WDR70: variants seen among roughly 807,000 people sequenced by gnomAD.
The protein encoded by WDR70 is WD repeat-containing protein 70.
A neutral mutation model predicts 88.6 loss-of-function variants in WDR70; 53 were observed. The ratio of observed to expected loss-of-function variants is 0.60; its 90% confidence interval spans 0.48 to 0.75. The LOEUF (loss-of-function observed/expected upper bound fraction) is 0.75, where lower values mean the gene tolerates loss of function less well. Ranked by LOEUF, WDR70 falls within the 30% of genes least tolerant of loss-of-function variation. The probability of loss-of-function intolerance (pLI) is 0.00; values close to 1 mark genes in which losing one functional copy is unlikely to be tolerated. For synonymous variants in WDR70, 280 were observed against 270.0 expected, an observed-to-expected ratio of 1.04 and a Z score of -0.36; for missense variants, 610 against 823.2, an observed-to-expected ratio of 0.74 and a Z score of 3.17.
chr5:37,518,663 C>T (rs997619257), intron 9 of WDR70, among the ~76,000 whole-genome samples: 19 of 148,568 alleles, frequency 1.3e-4, no homozygotes, highest in African/African-American at 4.0e-4. Context: ...CTGCAACCAA[C>T]GTGGGAGCAC....
intron 5 of WDR70, among the ~76,000 whole-genome samples, chr5:37,432,843 G>A (rs373697785): frequency 1.6e-3 from 244 of 151,756 alleles, no homozygotes; most frequent in African/African-American, 5.3e-3. Context: ...GATTATAGGC[G>A]TGAGCCACCG....
chr5:37,535,941 G>A (rs550491453), intron 9 of WDR70, among the ~76,000 whole-genome samples: 17 of 152,314 alleles, frequency 1.1e-4, no homozygotes, highest in South Asian at 4.1e-4. Flanking sequence ...GATGATGATT[G>A]ATTTACAGAT....
At chr5:37,697,560 A>G (rs763958557) in intron 10 of WDR70, 95 bp from the exon 11 acceptor site, 8 of 1,008,636 alleles carry the variant, frequency 7.9e-6, no homozygotes, top group Non-Finnish European at 1.2e-5. Context: ...GGTGTGTATT[A>G]TTTTCATCGT....
intron 9 of WDR70, among the ~76,000 whole-genome samples, chr5:37,600,388 G>A (rs1338599392): frequency 6.6e-6 from 1 of 151,978 alleles, no homozygotes; most frequent in Non-Finnish European, 1.5e-5. Flanking sequence ...TTAGCCGGCC[G>A]TGGTGGCGGG....
intron 9 of WDR70, among the ~76,000 whole-genome samples, chr5:37,516,794 T>C (rs1009425013): frequency 6.6e-6 from 1 of 150,842 alleles, no homozygotes; most frequent in East Asian, 1.9e-4. Flanking sequence ...CGATCTTGGC[T>C]CACTGCAACC....
rs191508500 is a variant in WDR70, at chr5:37,462,592, G to A, written c.687-17242G>A. Reference sequence around the variant, plus strand: ...GTTAGGATTACAGGCGTGAGCCACCGCACCCGGCCCAAGTCCTTAATTTGT... The same window carrying A: ...GTTAGGATTACAGGCGTGAGCCACCACACCCGGCCCAAGTCCTTAATTTGT... On this transcript the variant is annotated intron_variant, in intron 7 of 17. Transcript: ENST00000265107. Among the ~76,000 whole-genome samples, 28 of 152,248 alleles carry A rather than the reference G, an allele frequency of 1.8e-4. 1 individual carries two copies. Among genetic ancestry groups the A allele is most frequent in the African/African-American group, 3.6e-4 (15 of 41,542 alleles).
At chr5:37,685,279 C>CTCATGTAGA (rs1425844768) in intron 10 of WDR70, among the ~76,000 whole-genome samples, 3 of 152,052 alleles carry the variant, frequency 2.0e-5, no homozygotes, top group Non-Finnish European at 4.4e-5. Flanking sequence ...AAGGCAAAAT[C>CTCATGTAGA]CACTCATGTA....
intron 9 of WDR70, among the ~76,000 whole-genome samples, chr5:37,565,221 A>C (rs947716996): frequency 2.0e-5 from 3 of 152,110 alleles, no homozygotes; most frequent in Admixed American, 6.5e-5. Flanking sequence ...GAAATACTGT[A>C]AGCTCTGTAG....
intron 8 of WDR70, among the ~76,000 whole-genome samples, chr5:37,509,367 A>T (rs56347315): frequency 0.015 from 2,323 of 152,128 alleles, 53 homozygotes; most frequent in African/African-American, 0.053. Flanking sequence ...GTGTTTAAAT[A>T]TACAAGTATT....
chr5:37,471,289 A>G (rs1487456155), intron 7 of WDR70, among the ~76,000 whole-genome samples: 3 of 150,414 alleles, frequency 2.0e-5, no homozygotes, highest in Non-Finnish European at 4.4e-5. Flanking sequence ...TGTGTTGTCA[A>G]CCTTTTAAAT....
In WDR70 at chr5:37,685,209, G is replaced by A. The variant is rs550184686; in HGVS notation, c.1093-12446G>A. Among the ~76,000 whole-genome samples, 6 of 152,236 alleles carry A rather than the reference G, an allele frequency of 3.9e-5. No individual in the cohort carries two copies. The South Asian group carries it at 1.0e-3, about 26-fold the overall frequency. ...GGTATAGTGGGGGTGAGGAGGTGGT[G>A]TGCGCTCTTACCAGTAACAGTGTTA... On this transcript the variant is annotated intron_variant, in intron 10 of 17. Transcript: ENST00000265107.
chr5:37,466,894 T>A (rs886401802), intron 7 of WDR70, among the ~76,000 whole-genome samples: 7 of 152,084 alleles, frequency 4.6e-5, no homozygotes, highest in African/African-American at 1.7e-4. Context: ...GGTATCTTAG[T>A]CTGCTTCAGC....
intron 10 of WDR70, among the ~76,000 whole-genome samples, chr5:37,675,083 T>C (rs1303356606): frequency 6.6e-6 from 1 of 152,088 alleles, no homozygotes; most frequent in Admixed American, 6.5e-5. Flanking sequence ...TGCGGTTGTT[T>C]GTTTTCTTCT....
At chr5:37,670,128 C>T (rs1432439497) in intron 10 of WDR70, among the ~76,000 whole-genome samples, 2 of 152,086 alleles carry the variant, frequency 1.3e-5, no homozygotes, top group Admixed American at 6.6e-5. Flanking sequence ...TTGGAATATA[C>T]TGAAAACGTT....
At chr5:37,421,631 A>C (rs1749949956) in intron 5 of WDR70, among the ~76,000 whole-genome samples, 1 of 152,086 alleles carries the variant, frequency 6.6e-6, no homozygotes, top group African/African-American at 2.4e-5. Context: ...AACTGTGGAG[A>C]TATCAGGGTG....
intron 5 of WDR70, among the ~76,000 whole-genome samples, chr5:37,422,328 C>T (rs1456484867): frequency 5.2e-5 from 7 of 135,672 alleles, no homozygotes; most frequent in Middle Eastern, 3.6e-3. Flanking sequence ...CTCACTCTGT[C>T]GCCCAGGCCG....
At chr5:37,632,000 G>A (rs371925794) in intron 10 of WDR70, among the ~76,000 whole-genome samples, 12 of 152,108 alleles carry the variant, frequency 7.9e-5, no homozygotes, top group Admixed American at 7.2e-4. Context: ...GGATCAAAAC[G>A]GAATACAAGT....
chr5:37,601,372 C>G (rs1743877175), intron 9 of WDR70, among the ~76,000 whole-genome samples: 1 of 152,074 alleles, frequency 6.6e-6, no homozygotes, highest in South Asian at 2.1e-4. Context: ...GGGATAAATC[C>G]CATTTGATCG....
chr5:37,471,465 T>C (rs1398488753), intron 7 of WDR70, among the ~76,000 whole-genome samples: 1 of 151,852 alleles, frequency 6.6e-6, no homozygotes, highest in Non-Finnish European at 1.5e-5. Context: ...TTGCCTTTTT[T>C]TTTTAAATAC....
Sources: gnomAD v4.1 joint callset for allele counts (sites outside exome capture counted in the v4.1 genomes callset) on GRCh38, gnomAD v4.1.1 for gene constraint, MANE v1.5 for transcripts, NCBI Gene and HGNC (gene_info 2026-07-23, HGNC 2026-07-21) for gene names.